Variants in ARSG observed in about 807,000 individuals in gnomAD.
ARSG encodes arylsulfatase G.
In ARSG, 37 loss-of-function variants were observed where a neutral mutation model predicts 50.5. The ratio of observed to expected loss-of-function variants is 0.73; its 90% CI spans 0.56 to 0.96. The LOEUF is 0.96. Ranked by LOEUF, ARSG falls within the 50% of genes least tolerant of loss-of-function variation. The pLI, the probability that ARSG is intolerant of heterozygous loss-of-function variation, is 0.00. For missense variants in ARSG, 629 were observed against 675.3 expected, an observed-to-expected ratio of 0.93 and a Z score of 0.76; for synonymous variants, 225 against 254.6, an observed-to-expected ratio of 0.88 and a Z score of 1.11.
At position 68,356,836 on chromosome 17, in the gene ARSG, C is replaced by A. The variant is rs1311457708; in HGVS notation, c.704+32C>A. On this transcript the variant is annotated intron_variant, in intron 6 of 11. Coordinates refer to ENST00000621439, the MANE Select transcript of ARSG (RefSeq NM_001267727.2). ...AGTCTCCCTCCCTCCGCAGGGCCTCCCCCTGCCTCCACCTACCCGTGCACA... is the reference window on the plus strand; with the variant it reads ...AGTCTCCCTCCCTCCGCAGGGCCTCACCCTGCCTCCACCTACCCGTGCACA... 5.6e-6 allele frequency: 9 copies of A among 1,613,310 alleles called. No individual in the cohort carries two copies. The South Asian group carries it at 6.6e-5, about 12-fold the overall frequency.
intron 9 of ARSG, among the ~76,000 whole-genome samples, chr17:68,389,539 A>G (rs2080894058): frequency 1.3e-5 from 2 of 152,080 alleles, no homozygotes; most frequent in Non-Finnish European, 2.9e-5. Flanking sequence ...CTAAATGCAG[A>G]AAGAAATTTA....
chr17:68,434,706 T>G, the ARSG span: 5 of 1,477,172 alleles, frequency 3.4e-6, no homozygotes, highest in Non-Finnish European at 4.6e-6. Flanking sequence ...GAGTTTGTTT[T>G]ATTGGTTTTG....
chr17:68,372,128 T>G (rs1055892752), intron 8 of ARSG, among the ~76,000 whole-genome samples: 1 of 152,140 alleles, frequency 6.6e-6, no homozygotes, highest in African/African-American at 2.4e-5. Flanking sequence ...TTTACCCTCA[T>G]TGAGGGATGT....
chr17:68,414,201 G>A (rs1210438852), intron 11 of ARSG: 4 of 152,200 alleles, frequency 2.6e-5, no homozygotes, highest in Non-Finnish European at 4.4e-5. Context: ...CTTGTATGCC[G>A]ATTTTGCTGA....
At chr17:68,298,594 C>CA (rs562725952) in intron 1 of ARSG, among the ~76,000 whole-genome samples, 29,183 of 64,656 alleles carry the variant, frequency 0.45, 5,678 homozygotes, top group South Asian at 0.51. Context: ...GATCCTGTCT[C>CA]AAAAAAAAAA....
rs556277437 is a variant in ARSG, at chr17:68,340,158, G to T, written c.219-3446G>T. Among the ~76,000 whole-genome samples, 37 of 152,240 alleles carry T rather than the reference G, an allele frequency of 2.4e-4. 2 individuals are homozygous for T. The East Asian group carries it at 6.9e-3, about 29-fold the overall frequency. On this transcript the variant is annotated intron_variant, in intron 2 of 11. Transcript: ENST00000621439. ...AGTGTCAAGATGAATGTTTAATTACGAATTTTTAGGGTGTGGAGTTGGCAT... is the reference window on the plus strand; with the variant it reads ...AGTGTCAAGATGAATGTTTAATTACTAATTTTTAGGGTGTGGAGTTGGCAT...
At chr17:68,431,374 A>C in the ARSG span, among the ~76,000 whole-genome samples, 1 of 151,812 alleles carries the variant, frequency 6.6e-6, no homozygotes, top group East Asian at 1.9e-4. Context: ...CTGAGCATGG[A>C]GCCCGGCACG....
chr17:68,360,641 T>G (rs2079238353), intron 6 of ARSG, among the ~76,000 whole-genome samples: 1 of 152,136 alleles, frequency 6.6e-6, no homozygotes, highest in Non-Finnish European at 1.5e-5. Context: ...CAGGCAAATC[T>G]CTGAATGGGA....
Position 68,381,383 on chromosome 17 carries a change from G to C in ARSG, c.983-3681G>C, listed in dbSNP as rs2080424824. 6.6e-6 allele frequency among the ~76,000 whole-genome samples: 1 copy of C among 152,192 alleles called. No individual in the cohort carries two copies. The highest frequency in any genetic ancestry group is 1.5e-5 in the Non-Finnish European group (1 of 68,036). ...ATTAGAGTCACAAGTAACCACAAGT[G>C]CGTAGAAATGCATTCTCATGGCCAT... On this transcript the variant is annotated intron_variant, in intron 8 of 11. Coordinates refer to ENST00000621439, the MANE Select transcript of ARSG (RefSeq NM_001267727.2). The surrounding 1 kb of genome is among the most constrained non-coding windows in gnomAD (Gnocchi z 4.1).
At chr17:68,261,280 C>G (rs529221356) in intron 1 of ARSG, among the ~76,000 whole-genome samples, 1 of 152,348 alleles carries the variant, frequency 6.6e-6, no homozygotes, top group Admixed American at 6.5e-5. Flanking sequence ...GTGCCAGGCC[C>G]TGCTCAAAGC....
intron 11 of ARSG, among the ~76,000 whole-genome samples, chr17:68,406,480 C>T (rs1164070914): frequency 1.3e-5 from 2 of 152,160 alleles, no homozygotes; most frequent in Non-Finnish European, 2.9e-5. Flanking sequence ...AGCGGCTATA[C>T]TAGTTTACAT....
chr17:68,262,758 A>G (rs2075093963), intron 1 of ARSG, among the ~76,000 whole-genome samples: 1 of 152,142 alleles, frequency 6.6e-6, no homozygotes, highest in Non-Finnish European at 1.5e-5. Context: ...CAGCTCCTGG[A>G]TATATTTAGA....
At chr17:68,332,487 A>G (rs2077820140) in intron 2 of ARSG, among the ~76,000 whole-genome samples, 1 of 152,212 alleles carries the variant, frequency 6.6e-6, no homozygotes, top group Non-Finnish European at 1.5e-5. Flanking sequence ...AAAGGCAGGC[A>G]TAGGAAATCA....
At chr17:68,264,419 G>C (rs1351182820) in intron 1 of ARSG, among the ~76,000 whole-genome samples, 1 of 152,060 alleles carries the variant, frequency 6.6e-6, no homozygotes, top group Non-Finnish European at 1.5e-5. Flanking sequence ...GGATACATAG[G>C]TCTTAAAAGA....
chr17:68,275,331 T>C (rs1555750540), intron 1 of ARSG, among the ~76,000 whole-genome samples: 2 of 152,020 alleles, frequency 1.3e-5, no homozygotes, highest in Non-Finnish European at 2.9e-5. Flanking sequence ...GAAAAGGAAG[T>C]GGGAAAAAAA....
At chr17:68,341,341 G>A (rs890595580) in intron 2 of ARSG, among the ~76,000 whole-genome samples, 4 of 152,148 alleles carry the variant, frequency 2.6e-5, no homozygotes, top group Non-Finnish European at 4.4e-5. Context: ...TACAAGGTAC[G>A]AAAGTCAAAC....
chr17:68,386,873 G>A (rs1282693926), intron 9 of ARSG, among the ~76,000 whole-genome samples: 1 of 152,098 alleles, frequency 6.6e-6, no homozygotes, highest in East Asian at 1.9e-4. Context: ...GGGCCTTAGA[G>A]GAGACAACTG....
intron 2 of ARSG, among the ~76,000 whole-genome samples, chr17:68,309,731 C>A (rs1180552073): frequency 6.6e-6 from 1 of 151,664 alleles, no homozygotes; most frequent in East Asian, 2.0e-4. Context: ...CAGTGGCAGG[C>A]ACCTGTGACC....
chr17:68,287,339 T>A (rs1421520750), upstream of ARSG, among the ~76,000 whole-genome samples: 1 of 151,838 alleles, frequency 6.6e-6, no homozygotes, highest in African/African-American at 2.4e-5. Context: ...TTTTTTTTTT[T>A]AATAGAGACA....
Sources: gnomAD v4.1 joint callset for allele counts (sites outside exome capture counted in the v4.1 genomes callset) on GRCh38, gnomAD v4.1.1 for gene constraint, Gnocchi (gnomAD v3.1) non-coding constraint, MANE v1.5 for transcripts, NCBI Gene and HGNC (gene_info 2026-07-23, HGNC 2026-07-21) for gene names.